The following GKAP1 variants were observed in gnomAD, a reference collection of about 807,000 sequenced individuals.
The protein encoded by GKAP1 is G kinase-anchoring protein 1.
Under a neutral mutation model 56.7 loss-of-function variants are expected in GKAP1, and 31 were observed. The ratio of observed to expected loss-of-function variants is 0.55; its 90% CI spans 0.41 to 0.74. The LOEUF (loss-of-function observed/expected upper bound fraction) is 0.74. GKAP1 is among the 30% of genes least tolerant of loss of function. GKAP1 has a pLI of 0.00. For synonymous variants in GKAP1, 151 were observed against 138.6 expected (o/e 1.09, Z -0.63); for missense variants, 364 against 402.3 (o/e 0.90, Z 0.82).
intron 7 of GKAP1, among the ~76,000 whole-genome samples, chr9:83,775,758 C>T (rs10868059): frequency 0.55 from 82,169 of 150,260 alleles, 23,345 homozygotes; most frequent in Admixed American, 0.69. Flanking sequence ...GCCTGTAATC[C>T]CAGCTACTCG....
intron 8 of GKAP1, among the ~76,000 whole-genome samples, chr9:83,767,627 T>C (rs951164644): frequency 3.9e-5 from 6 of 151,996 alleles, no homozygotes; most frequent in South Asian, 4.2e-4. Context: ...CTCCCAAAAG[T>C]GCTGGGATTA....
chr9:83,761,302 T>G (rs1170214976), intron 8 of GKAP1, among the ~76,000 whole-genome samples: 3 of 152,094 alleles, frequency 2.0e-5, no homozygotes, highest in Non-Finnish European at 4.4e-5. Flanking sequence ...AGCAACTATA[T>G]GCCAATAAAT....
intron 8 of GKAP1, among the ~76,000 whole-genome samples, chr9:83,760,434 T>A (rs1262713889): frequency 6.6e-6 from 1 of 151,994 alleles, no homozygotes; most frequent in Non-Finnish European, 1.5e-5. Context: ...ACTTCAACAC[T>A]CCACTTTCAG....
chr9:83,796,762 C>T (rs1011670254), intron 4 of GKAP1, among the ~76,000 whole-genome samples: 11 of 152,132 alleles, frequency 7.2e-5, no homozygotes, highest in African/African-American at 1.9e-4. Flanking sequence ...CCACCGCACC[C>T]GGCCCCATCT....
intron 8 of GKAP1, among the ~76,000 whole-genome samples, chr9:83,762,007 GCCCACTTT>G (rs1188983468): frequency 2.0e-5 from 3 of 152,244 alleles, no homozygotes; most frequent in South Asian, 4.1e-4. Context: ...AGACAAGGAT[GCCCACTTT>G]CACCCTGTTA....
At chr9:83,777,905 G>A (rs1399347066) in intron 7 of GKAP1, among the ~76,000 whole-genome samples, 1 of 152,036 alleles carries the variant, frequency 6.6e-6, no homozygotes, top group African/African-American at 2.4e-5. Flanking sequence ...CTAGATCAAT[G>A]GTATAACCGT....
rs749862992 is a variant in GKAP1 at position 83,741,947 on chromosome 9, C to T, written c.1053+5G>A. ...TAAAAACACTTATAAATTATAAAAG[C>T]ATACCTGGTATTTGGCTAACTCTGC... On this transcript the variant is annotated splice_donor_5th_base_variant and intron_variant, in intron 12 of 12. Transcript: ENST00000376371. 3 of 1,515,852 alleles carry T rather than the reference C, an allele frequency of 2.0e-6. No individual in the cohort carries two copies. The highest frequency in any genetic ancestry group is 4.6e-5 in the East Asian group (2 of 43,926). The allele number at this position is 1,515,852 out of a possible 1,614,324, so 93.9% of individuals were successfully genotyped here.
At chr9:83,740,652 GT>G (rs1943191439) in intron 12 of GKAP1, among the ~76,000 whole-genome samples, 1 of 152,080 alleles carries the variant, frequency 6.6e-6, no homozygotes, top group Non-Finnish European at 1.5e-5. Context: ...TCTAGGCTTT[GT>G]CCCACACCTA....
chr9:83,799,412 G>T, intron 3 of GKAP1, 84 bp from the exon 4 acceptor site: 2 of 1,008,330 alleles, frequency 2.0e-6, no homozygotes, highest in Non-Finnish European at 2.9e-6. Flanking sequence ...AAAAACCAAT[G>T]ATATTTTTAT....
At chr9:83,814,653 A>C (rs2131333622) in intron 2 of GKAP1, among the ~76,000 whole-genome samples, 1 of 152,326 alleles carries the variant, frequency 6.6e-6, no homozygotes, top group East Asian at 1.9e-4. Context: ...TGTTTTCTTC[A>C]TGTTTACATT....
At chr9:83,779,627 AC>A (rs1943937797) in intron 7 of GKAP1, among the ~76,000 whole-genome samples, 4 of 150,036 alleles carry the variant, frequency 2.7e-5, no homozygotes, top group African/African-American at 4.9e-5. Context: ...ACACACACAC[AC>A]ACACACACAC....
chr9:83,816,490 C>T (rs1944599813), intron 2 of GKAP1, among the ~76,000 whole-genome samples: 1 of 152,180 alleles, frequency 6.6e-6, no homozygotes, highest in Non-Finnish European at 1.5e-5. Context: ...TTTGCTCTTA[C>T]TCCAGAATTG....
intron 3 of GKAP1, among the ~76,000 whole-genome samples, chr9:83,804,368 G>T (rs1181089891): frequency 1.7e-5 from 1 of 59,618 alleles, no homozygotes; most frequent in African/African-American, 1.0e-4. Flanking sequence ...CCCCCCGCCC[G>T]GCCAGCCGCC....
chr9:83,751,127 T>C (rs1187624689), intron 9 of GKAP1, among the ~76,000 whole-genome samples: 1 of 152,172 alleles, frequency 6.6e-6, no homozygotes, highest in Non-Finnish European at 1.5e-5. Flanking sequence ...TGAGCCACCA[T>C]GCCCGGCCTA....
intron 3 of GKAP1, among the ~76,000 whole-genome samples, chr9:83,803,763 G>A (rs542233878): frequency 1.1e-4 from 16 of 150,406 alleles, no homozygotes; most frequent in Non-Finnish European, 2.1e-4. Flanking sequence ...AGTCTGGAAA[G>A]TGAGGAGCGT....
chr9:83,755,387 A>C (rs1943456731), intron 8 of GKAP1, among the ~76,000 whole-genome samples: 1 of 152,196 alleles, frequency 6.6e-6, no homozygotes, highest in Non-Finnish European at 1.5e-5. Flanking sequence ...GGAAGAACAT[A>C]CACCAAAACT....
At chr9:83,769,912 A>G (rs1943728093) in intron 7 of GKAP1, among the ~76,000 whole-genome samples, 1 of 152,194 alleles carries the variant, frequency 6.6e-6, no homozygotes, top group Non-Finnish European at 1.5e-5. Context: ...CCGGGTGTGA[A>G]GTGCTATCTC....
intron 7 of GKAP1, among the ~76,000 whole-genome samples, chr9:83,771,816 TA>T (rs1268858019): frequency 2.6e-5 from 4 of 152,216 alleles, no homozygotes; most frequent in Non-Finnish European, 4.4e-5. Context: ...GTGGAAAGAA[TA>T]ACATACTGCT....
rs543201694 is a variant in GKAP1, at chr9:83,804,220, G to A, written c.216+2082C>T. Among the ~76,000 whole-genome samples the A allele has an allele frequency of 6.8e-3, 943 of 138,612 alleles. 10 individuals are homozygous for A. The highest frequency in any genetic ancestry group is 0.024 in the African/African-American group (885 of 36,960). The allele number at this position is 138,612 out of a possible 152,430, so 90.9% of individuals were successfully genotyped here. A position where few individuals can be genotyped will look rare whatever the true frequency, so the allele number is the denominator to read the frequency against. Reference sequence around the variant, plus strand: ...CTGGGAAGTGAGGAGCCCCTCTGCCGGGCCAGCCACCCCGTCCGGGAGGGA... The same window carrying A: ...CTGGGAAGTGAGGAGCCCCTCTGCCAGGCCAGCCACCCCGTCCGGGAGGGA... On this transcript the variant is annotated intron_variant, in intron 3 of 12. Coordinates refer to ENST00000376371, the MANE Select transcript of GKAP1 (RefSeq NM_025211.4).
Sources: gnomAD v4.1 joint callset for allele counts (sites outside exome capture counted in the v4.1 genomes callset) on GRCh38, gnomAD v4.1.1 for gene constraint, MANE v1.5 for transcripts, NCBI Gene and HGNC (gene_info 2026-07-23, HGNC 2026-07-21) for gene names.